BNC2: variants seen among roughly 807,000 people sequenced by gnomAD.
BNC2 encodes the protein basonuclin zinc finger protein 2.
Under a neutral mutation model 76.3 loss-of-function variants are expected in BNC2, and 20 were observed. That is an observed-to-expected ratio of 0.26 (90% confidence interval 0.18 to 0.38). The LOEUF is 0.38. Among genes scored for constraint, BNC2 ranks in the 10% least tolerant of loss-of-function variants. BNC2 has a pLI of 1.00. For synonymous variants in BNC2, 582 were observed against 514.8 expected (o/e 1.13, Z -1.77); for missense variants, 1,382 against 1,399.8 (o/e 0.99, Z 0.20).
chr9:16,521,478 A>G (rs1333738861), intron 5 of BNC2, among the ~76,000 whole-genome samples: 1 of 152,230 alleles, frequency 6.6e-6, no homozygotes, highest in Admixed American at 6.5e-5. Context: ...CTGGCCATAA[A>G]TAGGTAAAAC....
At chr9:16,763,032 C>G (rs1235578077) in intron 1 of BNC2, among the ~76,000 whole-genome samples, 3 of 152,112 alleles carry the variant, frequency 2.0e-5, no homozygotes, top group African/African-American at 7.2e-5. Flanking sequence ...ATGTTCTGAT[C>G]ACAGTTAAGG....
intron 3 of BNC2, among the ~76,000 whole-genome samples, chr9:16,602,375 A>C (rs1820265736): frequency 6.6e-6 from 1 of 152,240 alleles, no homozygotes. Context: ...GGAAGTCCCA[A>C]CATTAGGTAA....
chr9:16,831,150 T>G (rs1051384694), intron 1 of BNC2, among the ~76,000 whole-genome samples: 11 of 152,238 alleles, frequency 7.2e-5, no homozygotes, highest in African/African-American at 2.7e-4. Flanking sequence ...ATCTGTGTAT[T>G]TGCAATTATT....
intron 5 of BNC2, among the ~76,000 whole-genome samples, chr9:16,455,430 G>C (rs895786556): frequency 3.3e-5 from 5 of 152,198 alleles, no homozygotes; most frequent in African/African-American, 9.7e-5. Context: ...AAAATACACA[G>C]AGTGGGGGGA....
At position 16,417,425 on chromosome 9, in the gene BNC2, A is replaced by T. The variant is rs1820608272; in HGVS notation, c.*1564T>A. 1 of 152,178 alleles carries T rather than the reference A, an allele frequency of 6.6e-6. No individual in the cohort carries two copies. The highest frequency in any genetic ancestry group is 2.1e-4 in the South Asian group (1 of 4,828). The allele number at this position is 152,178 out of a possible 1,614,324, so 9.4% of individuals were successfully genotyped here. A position where few individuals can be genotyped will look rare whatever the true frequency, so the allele number is the denominator to read the frequency against. On this transcript the variant is annotated 3_prime_UTR_variant, in exon 7 of 7. Transcript: ENST00000380672. The stretch of plus-strand genomic sequence containing the variant: ...TCTGACAAATCGTGTGGGGAAACAC[A>T]AAACACTGAACATTGAGAGATCCTG...
At position 16,528,942 on chromosome 9, in the gene BNC2, A is replaced by G. The variant is rs150132380; in HGVS notation, c.669+23588T>C. On this transcript the variant is annotated intron_variant, in intron 5 of 6. Transcript: ENST00000380672. ...ATTCTCTCTCTGTTCCAGAGGCCAG[A>G]AGTTTGCAATTGAGGTGTGAGTAGG... 1.7e-3 allele frequency among the ~76,000 whole-genome samples: 265 copies of G among 152,294 alleles called. 1 individual carries two copies. The highest frequency in any genetic ancestry group is 5.9e-3 in the African/African-American group (246 of 41,570).
intron 3 of BNC2, among the ~76,000 whole-genome samples, chr9:16,665,992 G>C (rs1005464104): frequency 6.6e-6 from 1 of 152,022 alleles, no homozygotes. Context: ...ATTTTATCTG[G>C]TAAATTATCC....
At chr9:16,559,170 A>G (rs1041488694) in intron 4 of BNC2, among the ~76,000 whole-genome samples, 2 of 152,232 alleles carry the variant, frequency 1.3e-5, no homozygotes, top group African/African-American at 2.4e-5. Flanking sequence ...TATCAACTAT[A>G]TATCAGGCAT....
At chr9:16,525,411 T>C (rs935963613) in intron 5 of BNC2, among the ~76,000 whole-genome samples, 1 of 151,952 alleles carries the variant, frequency 6.6e-6, no homozygotes, top group Non-Finnish European at 1.5e-5. Flanking sequence ...ATGAAACGGA[T>C]TTACAACGCA....
Position 16,699,297 on chromosome 9 carries a change from C to A in BNC2, c.330+28500G>T. The A allele has an allele frequency of 1.1e-5, 5 of 439,958 alleles. No homozygotes were observed. In the Admixed American group the frequency reaches 1.4e-4, roughly 12 times the overall value. The allele number at this position is 439,958 out of a possible 1,614,324, so 27.3% of individuals were successfully genotyped here. ...GGTTAGGAGGAGGAAGACAGGCCAA[C>A]AGAATAGTCCCTTGATGGAAATGTA... is the stretch of plus-strand genomic sequence containing the variant. On this transcript the variant is annotated intron_variant, in intron 3 of 6. Transcript: ENST00000380672.
intron 4 of BNC2, among the ~76,000 whole-genome samples, chr9:16,557,728 T>A (rs1254523369): frequency 6.6e-6 from 1 of 151,994 alleles, no homozygotes; most frequent in East Asian, 1.9e-4. Context: ...CTATAGTGAG[T>A]TGATACCAAT....
At chr9:16,440,367 G>C (rs1248773097) in intron 5 of BNC2, among the ~76,000 whole-genome samples, 1 of 152,154 alleles carries the variant, frequency 6.6e-6, no homozygotes, top group Non-Finnish European at 1.5e-5. Context: ...TCTTTCTCTA[G>C]AGTGCTATAA....
intron 5 of BNC2, among the ~76,000 whole-genome samples, chr9:16,543,888 A>G (rs1432210925): frequency 6.6e-6 from 1 of 152,182 alleles, no homozygotes; most frequent in Non-Finnish European, 1.5e-5. Flanking sequence ...TGGTCCAAGC[A>G]CTTTAGAAAA....
intron 1 of BNC2, among the ~76,000 whole-genome samples, chr9:16,770,322 G>A (rs1420771368): frequency 6.6e-6 from 1 of 152,146 alleles, no homozygotes; most frequent in African/African-American, 2.4e-5. Context: ...AGAGATGGTG[G>A]TTATGAAAAA....
intron 5 of BNC2, among the ~76,000 whole-genome samples, chr9:16,498,222 C>CAT (rs201159586): frequency 0.15 from 13,362 of 90,630 alleles, 2,997 homozygotes; most frequent in African/African-American, 0.46. Context: ...TATATTCCAT[C>CAT]ATATATATAT....
intron 1 of BNC2, among the ~76,000 whole-genome samples, chr9:16,869,932 C>G (rs995883113): frequency 6.6e-6 from 1 of 152,206 alleles, no homozygotes; most frequent in Admixed American, 6.5e-5. Flanking sequence ...CCAAATCCCA[C>G]CCTCCAGTCA....
At chr9:16,575,373 C>T in intron 4 of BNC2, 7 of 985,332 alleles carry the variant, frequency 7.1e-6, no homozygotes, top group Non-Finnish European at 8.4e-6. Flanking sequence ...CAGGTCTTGC[C>T]AGCCTCACTT....
chr9:16,845,557 T>C lies in BNC2; in HGVS notation c.3+25089A>G, dbSNP rs192450358. 1.5e-3 allele frequency among the ~76,000 whole-genome samples: 234 copies of C among 151,538 alleles called. 3 individuals are homozygous for C. The highest frequency in any genetic ancestry group is 4.7e-3 in the African/African-American group (195 of 41,324). On this transcript the variant is annotated intron_variant, in intron 1 of 6. Transcript: ENST00000380672. ...TAACACAGTGAAACCCCATCTCTAC[T>C]AAAAATACAAAAAATTAGCCGGGTG...
chr9:16,516,823 C>T (rs1307802632), intron 5 of BNC2, among the ~76,000 whole-genome samples: 2 of 152,184 alleles, frequency 1.3e-5, no homozygotes, highest in African/African-American at 4.8e-5. Flanking sequence ...ATCTCTTATG[C>T]TTATTCCAAA....
Sources: allele counts gnomAD v4.1 joint callset (sites outside exome capture counted in the v4.1 genomes callset), GRCh38; gene constraint gnomAD v4.1.1; transcripts MANE v1.5; gene names NCBI Gene and HGNC (gene_info 2026-07-23, HGNC 2026-07-21).